Variants in ARID1B observed in about 807,000 individuals in gnomAD.
ARID1B encodes AT-rich interaction domain 1B.
ARID1B carries 30 observed loss-of-function variants against 212.3 expected under a neutral mutation model. The ratio of observed to expected loss-of-function variants is 0.14; its 90% confidence interval spans 0.11 to 0.19. ARID1B has a LOEUF of 0.19. ARID1B is among the 10% of genes least tolerant of loss of function. The pLI, the probability that ARID1B is intolerant of heterozygous loss-of-function variation, is 1.00. For synonymous variants in ARID1B, 1,402 were observed against 1,301.7 expected (o/e 1.08, Z -1.66); for missense variants, 2,891 against 3,204.0 (o/e 0.90, Z 2.36).
intron 1 of ARID1B, among the ~76,000 whole-genome samples, chr6:156,816,287 A>T (rs1383102038): frequency 1.3e-5 from 2 of 152,210 alleles, no homozygotes; most frequent in Non-Finnish European, 2.9e-5. Flanking sequence ...TAATTTTATT[A>T]CTTATACTTG....
chr6:157,128,067 A>G (rs1788264035), intron 6 of ARID1B, among the ~76,000 whole-genome samples: 1 of 152,110 alleles, frequency 6.6e-6, no homozygotes, highest in Non-Finnish European at 1.5e-5. Context: ...TGAGGTAGAT[A>G]TGATTGCCCC....
intron 4 of ARID1B, among the ~76,000 whole-genome samples, chr6:156,960,704 C>A (rs1286154614): frequency 6.6e-6 from 1 of 152,060 alleles, no homozygotes; most frequent in African/African-American, 2.4e-5. Context: ...TGAGGGAGAA[C>A]CCCAAATTAC....
intron 4 of ARID1B, among the ~76,000 whole-genome samples, chr6:157,052,776 G>A (rs1161410986): frequency 6.6e-6 from 1 of 152,206 alleles, no homozygotes. Flanking sequence ...CTGGAGTGCA[G>A]TGGCGGAGTC....
intron 4 of ARID1B, among the ~76,000 whole-genome samples, chr6:157,026,557 A>G (rs1356025876): frequency 6.6e-6 from 1 of 152,206 alleles, no homozygotes. Flanking sequence ...AGAGCTGTCT[A>G]GCTTTCAGGT....
At chr6:156,884,388 A>G (rs1461758136) in intron 2 of ARID1B, among the ~76,000 whole-genome samples, 1 of 151,690 alleles carries the variant, frequency 6.6e-6, no homozygotes, top group African/African-American at 2.4e-5. Context: ...GGACAACCTG[A>G]TGAAAAACTG....
At chr6:157,118,703 C>G (rs567823790) in intron 6 of ARID1B, among the ~76,000 whole-genome samples, 2 of 152,240 alleles carry the variant, frequency 1.3e-5, no homozygotes, top group Non-Finnish European at 2.9e-5. Context: ...TGGCACAGGA[C>G]TTGTGTCAGG....
chr6:157,185,238 G>A (rs1341023873), intron 13 of ARID1B: 2 of 152,292 alleles, frequency 1.3e-5, no homozygotes, highest in African/African-American at 2.4e-5. Flanking sequence ...CAATAGTAGA[G>A]AGGGGAAGAA....
At chr6:156,974,933 G>A (rs1255398020) in intron 4 of ARID1B, among the ~76,000 whole-genome samples, 1 of 152,084 alleles carries the variant, frequency 6.6e-6, no homozygotes, top group Non-Finnish European at 1.5e-5. Flanking sequence ...CCATTTGATG[G>A]CCATTTGGGT....
intron 4 of ARID1B, chr6:156,985,300 C>T (rs116090798): frequency 2.6e-3 from 401 of 152,264 alleles, no homozygotes; most frequent in African/African-American, 9.0e-3. Flanking sequence ...GTGATAATAT[C>T]CGCTGCATTG....
chr6:157,085,445 G>A (rs779511151), intron 5 of ARID1B, among the ~76,000 whole-genome samples: 1 of 152,110 alleles, frequency 6.6e-6, no homozygotes, highest in Non-Finnish European at 1.5e-5. Flanking sequence ...CCCATGTTCT[G>A]GTTAACTCTG....
intron 7 of ARID1B, among the ~76,000 whole-genome samples, chr6:157,142,925 G>A (rs1002970203): frequency 6.6e-6 from 1 of 152,172 alleles, no homozygotes; most frequent in Non-Finnish European, 1.5e-5. Context: ...GCAAAATTTC[G>A]TATATGAGTG....
At chr6:157,042,179 A>G (rs887590260) in intron 4 of ARID1B, among the ~76,000 whole-genome samples, 7 of 152,232 alleles carry the variant, frequency 4.6e-5, no homozygotes, top group African/African-American at 1.4e-4. Flanking sequence ...GAATGAATGA[A>G]TATGCATAAA....
Position 157,039,322 on chromosome 6 carries a change from C to CTTTTTTTTTTTTTTTTTTTTTTTTTTTT in ARID1B, c.2248-45321_2248-45320insTTTTTTTTTTTTTTTTTTTTTTTTTTTT, listed in dbSNP as rs1003131791. Among the ~76,000 whole-genome samples, 26 of 102,952 alleles carry CTTTTTTTTTTTTTTTTTTTTTTTTTTTT rather than the reference C, an allele frequency of 2.5e-4. 7 individuals carry two copies. Among genetic ancestry groups the CTTTTTTTTTTTTTTTTTTTTTTTTTTTT allele is most frequent in the African/African-American group, 3.6e-4 (9 of 24,716 alleles). 67.5% of individuals were successfully genotyped at this position (102,952 alleles called of 152,430 possible). A position where few individuals can be genotyped will look rare whatever the true frequency, so the allele number is the denominator to read the frequency against. ...ATTAAAAATGGGAAATTTGACATTT[C>CTTTTTTTTTTTTTTTTTTTTTTTTTTTT]TTTTTTTTTTTTTTTTTTTGAGACG... On this transcript the variant is annotated intron_variant, in intron 4 of 19. Transcript: ENST00000636930.
chr6:156,901,447 G>C lies in ARID1B; in HGVS notation c.2058G>C (p.Gln686His). 6.2e-7 allele frequency: 1 copy of C among 1,614,102 alleles called. No homozygotes were observed. Among genetic ancestry groups the C allele is most frequent in the Non-Finnish European group, 8.5e-7 (1 of 1,180,036 alleles). The change falls in exon 3 of 20, where the codon CAG (glutamine) becomes CAC (histidine). Residue 686 changes from glutamine (Q) to histidine (H), a missense_variant. Physicochemically the swap from Gln to His is conservative, Grantham distance 24 (BLOSUM62 0). Coordinates refer to ENST00000636930, the MANE Select transcript of ARID1B (RefSeq NM_001374828.1). ...AGGGCCAACAGCCATATTACAGCCA[G>C]CAGCCGCAGCCCCCGCACCTCCCAC... ...CQQGQQPYYSQQPQPPHLPPQ... is the reference protein window; with the variant it reads ...CQQGQQPYYSHQPQPPHLPPQ...
intron 4 of ARID1B, among the ~76,000 whole-genome samples, chr6:157,047,939 A>AT (rs1221122361): frequency 1.2e-4 from 19 of 152,232 alleles, no homozygotes; most frequent in African/African-American, 4.3e-4. Flanking sequence ...CTGTGATCAT[A>AT]TTAGTAATCA....
intron 4 of ARID1B, among the ~76,000 whole-genome samples, chr6:157,004,890 CTTTTTTCTTTTTTTTTTTTTTTTT>C (rs1779125197): frequency 8.4e-5 from 3 of 35,688 alleles, no homozygotes; most frequent in Non-Finnish European, 2.2e-4. Context: ...TTTTCTTCTT[CTTTTTTCTTTTTTTTTTTTTTTTT>C]TTTTTTTTTT....
At chr6:157,142,663 A>C (rs1255792341) in intron 7 of ARID1B, among the ~76,000 whole-genome samples, 5 of 152,172 alleles carry the variant, frequency 3.3e-5, no homozygotes, top group African/African-American at 9.7e-5. Flanking sequence ...AACAAAAAAA[A>C]CAATATTTTG....
At chr6:157,167,223 C>A (rs9384530) in intron 9 of ARID1B, 38 bp downstream of exon 9, 47 of 1,583,634 alleles carry the variant, frequency 3.0e-5, no homozygotes, top group Non-Finnish European at 4.0e-5. Flanking sequence ...GCCCCTCTCT[C>A]TCCCCTCTCC....
rs969498911 is a variant in ARID1B, at chr6:156,943,226, G to A, written c.2247+7650G>A. On this transcript the variant is annotated intron_variant, in intron 4 of 19. Transcript: ENST00000636930. ...TTGTTTGGGTCAAGAAATTTTAGCG[G>A]AAAATTGTTACTGTGTGAAAGAAGA... is the stretch of plus-strand genomic sequence containing the variant. 9 of 152,200 alleles carry A rather than the reference G, an allele frequency of 5.9e-5. No individual in the cohort carries two copies. In the South Asian group the frequency reaches 1.9e-3, roughly 32 times the overall value. The allele number at this position is 152,200 out of a possible 1,614,324, so 9.4% of individuals were successfully genotyped here.
Sources: allele counts gnomAD v4.1 joint callset (sites outside exome capture counted in the v4.1 genomes callset), GRCh38; gene constraint gnomAD v4.1.1; transcripts MANE v1.5; gene names NCBI Gene and HGNC (gene_info 2026-07-23, HGNC 2026-07-21).